The following GRM5 variants were observed in gnomAD, a reference collection of about 807,000 sequenced individuals.
GRM5 encodes glutamate metabotropic receptor 5.
In GRM5, 19 loss-of-function variants were observed where a neutral mutation model predicts 83.1. The observed-to-expected ratio is 0.23, with a 90% confidence interval of 0.16 to 0.34. GRM5 has a LOEUF of 0.34. Ranked by LOEUF, GRM5 falls within the 10% of genes least tolerant of loss-of-function variation. The pLI, the probability that GRM5 is intolerant of heterozygous loss-of-function variation, is 1.00. For missense variants in GRM5, 1,160 were observed against 1,588.3 expected, an observed-to-expected ratio of 0.73 and a Z score of 4.58; for synonymous variants, 675 against 633.6, an observed-to-expected ratio of 1.07 and a Z score of -0.98.
intron 4 of GRM5, among the ~76,000 whole-genome samples, chr11:88,629,195 T>G (rs1261113196): frequency 6.6e-6 from 1 of 152,186 alleles, no homozygotes; most frequent in Non-Finnish European, 1.5e-5. Flanking sequence ...TTGCCCTGGG[T>G]CTATTGGTAG....
intron 3 of GRM5, among the ~76,000 whole-genome samples, chr11:88,844,367 C>G (rs1401706050): frequency 6.8e-6 from 1 of 147,412 alleles, no homozygotes; most frequent in African/African-American, 2.5e-5. Context: ...TACACACACA[C>G]ACACACACAC....
chr11:88,952,425 T>TC (rs2135680896), intron 2 of GRM5, among the ~76,000 whole-genome samples: 1 of 152,306 alleles, frequency 6.6e-6, no homozygotes, highest in African/African-American at 2.4e-5. Context: ...GTGGGGTTTT[T>TC]CTCCCTCTTT....
chr11:89,052,250 A>T (rs977334926), intron 1 of GRM5, among the ~76,000 whole-genome samples: 6 of 152,298 alleles, frequency 3.9e-5, no homozygotes, highest in African/African-American at 1.4e-4. Flanking sequence ...AGGGTCATCA[A>T]TATATAAAAT....
At chr11:88,821,925 A>G (rs1467752821) in intron 3 of GRM5, among the ~76,000 whole-genome samples, 1 of 151,050 alleles carries the variant, frequency 6.6e-6, no homozygotes, top group African/African-American at 2.4e-5. Context: ...TGGAGTTCCC[A>G]ATTTCCTACT....
chr11:88,778,750 A>G lies in GRM5; in HGVS notation c.911+71156T>C, dbSNP rs114706318. On this transcript the variant is annotated intron_variant, in intron 3 of 9. Coordinates refer to ENST00000305447, the MANE Select transcript of GRM5 (RefSeq NM_001143831.3). Reference sequence around the variant, plus strand: ...CCTATGGCCCAGAGAACTTATGATCAGTGCCAGGTCCTGTCTTTAAGTGAT... The same window carrying G: ...CCTATGGCCCAGAGAACTTATGATCGGTGCCAGGTCCTGTCTTTAAGTGAT... Among the ~76,000 whole-genome samples the G allele has an allele frequency of 9.5e-3, 1,453 of 152,330 alleles. 24 individuals are homozygous for G. Among genetic ancestry groups the G allele is most frequent in the African/African-American group, 0.033 (1,382 of 41,576 alleles).
chr11:89,019,944 G>A (rs756954725), intron 2 of GRM5, among the ~76,000 whole-genome samples: 13 of 152,082 alleles, frequency 8.5e-5, no homozygotes, highest in Non-Finnish European at 1.6e-4. Context: ...CACACAAAGA[G>A]CTGTTTTATG....
At chr11:88,723,531 C>CT (rs572674460) in intron 3 of GRM5, among the ~76,000 whole-genome samples, 161 of 152,116 alleles carry the variant, frequency 1.1e-3, no homozygotes, top group African/African-American at 3.8e-3. Context: ...TTGCTCCATG[C>CT]TTTTTTTCTT....
intron 2 of GRM5, among the ~76,000 whole-genome samples, chr11:88,923,870 G>A (rs541882960): frequency 7.0e-4 from 106 of 150,700 alleles, no homozygotes; most frequent in Middle Eastern, 3.4e-3. Context: ...TCGTATTTAT[G>A]TGAGTATACA....
intron 2 of GRM5, among the ~76,000 whole-genome samples, chr11:88,873,009 A>C (rs538437960): frequency 6.6e-6 from 1 of 151,556 alleles, no homozygotes; most frequent in African/African-American, 2.4e-5. Flanking sequence ...AAAGTGAAGT[A>C]AGGAATGAAA....
chr11:88,635,406 A>G (rs1939090828), intron 4 of GRM5, among the ~76,000 whole-genome samples: 1 of 152,040 alleles, frequency 6.6e-6, no homozygotes, highest in Non-Finnish European at 1.5e-5. Flanking sequence ...TTTGATTTAC[A>G]TTTCTCTAAT....
intron 2 of GRM5, among the ~76,000 whole-genome samples, chr11:89,009,918 A>AAAAAAAAAAAAAAAAAAAC (rs1940646121): frequency 1.5e-5 from 2 of 136,170 alleles, no homozygotes; most frequent in African/African-American, 6.3e-5. Flanking sequence ...AAAAAAAAAA[A>AAAAAAAAAAAAAAAAAAAC]AAAAAAAAAA....
At chr11:88,866,880 G>T (rs2135557056) in intron 2 of GRM5, among the ~76,000 whole-genome samples, 2 of 152,256 alleles carry the variant, frequency 1.3e-5, no homozygotes, top group Non-Finnish European at 2.9e-5. Context: ...ATTAATTTCT[G>T]TAAAAGGTGT....
chr11:88,593,763 T>TCG (rs1491095049), intron 6 of GRM5, among the ~76,000 whole-genome samples: 5 of 62,456 alleles, frequency 8.0e-5, no homozygotes, highest in Non-Finnish European at 6.9e-5. Context: ...CCTCCCTCCT[T>TCG]CTCTCTCTCT....
intron 4 of GRM5, among the ~76,000 whole-genome samples, chr11:88,632,622 G>A (rs1380605694): frequency 6.6e-6 from 1 of 152,112 alleles, no homozygotes; most frequent in Non-Finnish European, 1.5e-5. Flanking sequence ...TCTTTCACCT[G>A]TTGGTGAATA....
chr11:88,859,882 C>G (rs1205566828), intron 2 of GRM5, among the ~76,000 whole-genome samples: 1 of 152,094 alleles, frequency 6.6e-6, no homozygotes, highest in Non-Finnish European at 1.5e-5. Flanking sequence ...GATTCAGTCC[C>G]CATGTTGCTG....
intron 3 of GRM5, among the ~76,000 whole-genome samples, chr11:88,717,408 C>T (rs561248057): frequency 6.6e-6 from 1 of 151,862 alleles, no homozygotes; most frequent in East Asian, 1.9e-4. Context: ...TTTTGAAATG[C>T]TTTCCATATT....
chr11:88,646,100 G>A (rs1186275084), intron 4 of GRM5, among the ~76,000 whole-genome samples: 3 of 151,962 alleles, frequency 2.0e-5, no homozygotes, highest in African/African-American at 4.8e-5. Flanking sequence ...TGACACTCCT[G>A]GAAACTACTG....
At chr11:88,734,945 T>C (rs1941881893) in intron 3 of GRM5, among the ~76,000 whole-genome samples, 2 of 152,074 alleles carry the variant, frequency 1.3e-5, no homozygotes, top group East Asian at 1.9e-4. Flanking sequence ...GTTTGCTAAA[T>C]TAGTATTTTA....
chr11:88,671,758 T>A lies in GRM5; in HGVS notation c.912-18355A>T, dbSNP rs371780625. Reference sequence around the variant, plus strand: ...TTGGAAGTTAAAACATTGGTTCCTTTTGAAGAGTGTGTTAGACTTGGAATG... The same window carrying A: ...TTGGAAGTTAAAACATTGGTTCCTTATGAAGAGTGTGTTAGACTTGGAATG... On this transcript the variant is annotated intron_variant, in intron 3 of 9. Coordinates refer to ENST00000305447, the MANE Select transcript of GRM5 (RefSeq NM_001143831.3). 3.9e-5 allele frequency among the ~76,000 whole-genome samples: 6 copies of A among 152,132 alleles called. No individual in the cohort carries two copies. The South Asian group carries it at 1.0e-3, about 26-fold the overall frequency.
Sources: gnomAD v4.1 joint callset for allele counts (sites outside exome capture counted in the v4.1 genomes callset) on GRCh38, gnomAD v4.1.1 for gene constraint, MANE v1.5 for transcripts, NCBI Gene and HGNC (gene_info 2026-07-23, HGNC 2026-07-21) for gene names.